SGCZ: variants seen among roughly 807,000 people sequenced by gnomAD.
The protein encoded by SGCZ is sarcoglycan zeta, also known as zeta-sarcoglycan.
A neutral mutation model predicts 41.3 loss-of-function variants in SGCZ; 40 were observed. The observed-to-expected ratio is 0.97, with a 90% confidence interval of 0.75 to 1.26. The LOEUF is 1.26. Among genes scored for constraint, SGCZ ranks in the 50% most tolerant of loss-of-function variants. The pLI is 0.00. For missense variants in SGCZ, 552 were observed against 369.8 expected, an observed-to-expected ratio of 1.49 and a Z score of -4.04; for synonymous variants, 206 against 137.5, an observed-to-expected ratio of 1.50 and a Z score of -3.49.
intron 1 of SGCZ, among the ~76,000 whole-genome samples, chr8:14,674,928 GTTTTTTTTTTT>G (rs201881681): frequency 0.017 from 1,229 of 71,054 alleles, 26 homozygotes; most frequent in Middle Eastern, 0.043. Flanking sequence ...TTTCTTTTCT[GTTTTTTTTTTT>G]TTTTTTTTTT....
At chr8:14,936,793 A>C (rs1585393864) in intron 1 of SGCZ, among the ~76,000 whole-genome samples, 1 of 152,060 alleles carries the variant, frequency 6.6e-6, no homozygotes, top group Non-Finnish European at 1.5e-5. Flanking sequence ...AATTATGAAG[A>C]AAGTGTAACT....
chr8:14,211,126 C>A (rs1805790719), intron 4 of SGCZ, among the ~76,000 whole-genome samples: 1 of 152,142 alleles, frequency 6.6e-6, no homozygotes, highest in South Asian at 2.1e-4. Flanking sequence ...GGACCCTGAC[C>A]CTTTCAAAAG....
intron 1 of SGCZ, among the ~76,000 whole-genome samples, chr8:15,054,602 G>C (rs1466188833): frequency 2.0e-5 from 3 of 152,136 alleles, no homozygotes; most frequent in African/African-American, 7.2e-5. Context: ...ACTTGAATGT[G>C]TTAGCTCTAC....
intron 1 of SGCZ, among the ~76,000 whole-genome samples, chr8:14,968,831 G>A (rs1209164106): frequency 6.6e-6 from 1 of 152,090 alleles, no homozygotes; most frequent in South Asian, 2.1e-4. Context: ...AACAACTGGA[G>A]GCCAAGGCTT....
chr8:14,199,651 C>G (rs771171360), intron 4 of SGCZ, among the ~76,000 whole-genome samples: 78 of 152,214 alleles, frequency 5.1e-4, no homozygotes, highest in South Asian at 1.2e-3. Flanking sequence ...TAAAATTTCA[C>G]TCTTTTGTAC....
At chr8:14,822,651 A>G (rs368169762) in intron 1 of SGCZ, among the ~76,000 whole-genome samples, 62 of 152,308 alleles carry the variant, frequency 4.1e-4, no homozygotes, top group African/African-American at 1.5e-3. Context: ...ACAGAACAAA[A>G]GAGAGCCCAG....
At chr8:15,006,604 A>G (rs913776216) in intron 1 of SGCZ, among the ~76,000 whole-genome samples, 2 of 152,190 alleles carry the variant, frequency 1.3e-5, no homozygotes, top group African/African-American at 4.8e-5. Flanking sequence ...CCAAAATGTT[A>G]AGAGTTAATA....
chr8:14,425,934 TA>T (rs1799769389), intron 2 of SGCZ, among the ~76,000 whole-genome samples: 5 of 152,162 alleles, frequency 3.3e-5, no homozygotes, highest in Admixed American at 2.6e-4. Context: ...AAAAGGCAGC[TA>T]AAGAAGTCAA....
Position 14,632,666 on chromosome 8 carries a change from T to A in SGCZ, c.40-77740A>T, listed in dbSNP as rs1250582143. Among the ~76,000 whole-genome samples the A allele has an allele frequency of 2.6e-5, 4 of 152,082 alleles. No homozygotes were observed. In the East Asian group the frequency reaches 7.7e-4, roughly 29 times the overall value. ...CTTTAAATATAACAACAGACTGCCATCTCTTTGATGTCTTAACACACAATT... is the reference window on the plus strand; with the variant it reads ...CTTTAAATATAACAACAGACTGCCAACTCTTTGATGTCTTAACACACAATT... On this transcript the variant is annotated intron_variant, in intron 1 of 7. Transcript: ENST00000382080.
At chr8:14,982,347 T>C (rs557636183) in intron 1 of SGCZ, among the ~76,000 whole-genome samples, 5 of 152,204 alleles carry the variant, frequency 3.3e-5, no homozygotes, top group Admixed American at 6.5e-5. Context: ...ACTTGCTTTA[T>C]GATTCGTTCG....
intron 1 of SGCZ, among the ~76,000 whole-genome samples, chr8:14,772,763 T>A (rs1462972579): frequency 6.6e-6 from 1 of 152,108 alleles, no homozygotes; most frequent in Non-Finnish European, 1.5e-5. Context: ...GAACTCATCA[T>A]TTTTTGTGGC....
intron 1 of SGCZ, among the ~76,000 whole-genome samples, chr8:14,604,421 A>ATT (rs386722651): frequency 6.9e-6 from 1 of 145,618 alleles, no homozygotes; most frequent in Non-Finnish European, 1.5e-5. Flanking sequence ...ATAAGCCATG[A>ATT]TTTTTTTTTT....
Position 14,945,528 on chromosome 8 carries a change from C to G in SGCZ, c.39+292057G>C, listed in dbSNP as rs923430473. Among the ~76,000 whole-genome samples the G allele has an allele frequency of 7.9e-5, 12 of 151,980 alleles. No homozygotes were observed. The East Asian group carries it at 1.9e-3, about 25-fold the overall frequency. On this transcript the variant is annotated intron_variant, in intron 1 of 7. Coordinates refer to ENST00000382080, the MANE Select transcript of SGCZ (RefSeq NM_139167.4). ...ATTTTGGATCAAGACTACTATGGTGCTTAATTTTAGGTGTCAGTTTGGGTG... is the reference window on the plus strand; with the variant it reads ...ATTTTGGATCAAGACTACTATGGTGGTTAATTTTAGGTGTCAGTTTGGGTG...
At chr8:14,444,667 TG>T (rs1342065559) in intron 2 of SGCZ, among the ~76,000 whole-genome samples, 3 of 55,358 alleles carry the variant, frequency 5.4e-5, no homozygotes, top group African/African-American at 7.3e-5. Context: ...TGTTGTGGGG[TG>T]GGGGGATGGG....
chr8:14,210,185 G>C (rs1178292731), intron 4 of SGCZ, among the ~76,000 whole-genome samples: 1 of 152,094 alleles, frequency 6.6e-6, no homozygotes, highest in Admixed American at 6.5e-5. Flanking sequence ...AGCCTCCCAA[G>C]TAGCTGGGAA....
At chr8:14,752,904 A>G (rs901241756) in intron 1 of SGCZ, among the ~76,000 whole-genome samples, 1 of 152,344 alleles carries the variant, frequency 6.6e-6, no homozygotes, top group African/African-American at 2.4e-5. Context: ...GAGATAAATG[A>G]TAGTCTGAGT....
At chr8:15,148,725 C>A (rs1315713359) in intron 1 of SGCZ, among the ~76,000 whole-genome samples, 1 of 152,172 alleles carries the variant, frequency 6.6e-6, no homozygotes, top group Admixed American at 6.5e-5. Context: ...TCCAAGCAAG[C>A]CTGGATGCTT....
chr8:14,192,053 G>A (rs1805120784), intron 4 of SGCZ, among the ~76,000 whole-genome samples: 1 of 152,030 alleles, frequency 6.6e-6, no homozygotes, highest in Non-Finnish European at 1.5e-5. Context: ...CTTATGACCT[G>A]TAGAAAAATG....
At chr8:15,123,272 T>C (rs555067682) in intron 1 of SGCZ, among the ~76,000 whole-genome samples, 1 of 152,338 alleles carries the variant, frequency 6.6e-6, no homozygotes, top group Admixed American at 6.5e-5. Context: ...TTTTCCTTGA[T>C]AAATAGAAAG....
Sources: gnomAD v4.1 joint callset for allele counts (sites outside exome capture counted in the v4.1 genomes callset) on GRCh38, gnomAD v4.1.1 for gene constraint, MANE v1.5 for transcripts, NCBI Gene and HGNC (gene_info 2026-07-23, HGNC 2026-07-21) for gene names.